TXLNA: variants seen among roughly 807,000 people sequenced by gnomAD.
TXLNA encodes alpha-taxilin.
A neutral mutation model predicts 61.4 loss-of-function variants in TXLNA; 9 were observed. The ratio of observed to expected loss-of-function variants is 0.15; its 90% CI spans 0.09 to 0.26. The LOEUF is 0.26. Ranked by LOEUF, TXLNA falls within the 10% of genes least tolerant of loss-of-function variation. TXLNA has a pLI of 1.00. For synonymous variants in TXLNA, 257 were observed against 267.7 expected (o/e 0.96, Z 0.39); for missense variants, 565 against 688.8 (o/e 0.82, Z 2.01).
At position 32,184,583 on chromosome 1, in the gene TXLNA, G is replaced by A; in HGVS notation, c.564G>A (p.Lys188=). ...TLNTLSTPEE[K]LAALCKKYAE... ...ATACTCTGAGTACCCCAGAGGAGAA[G>A]CTGGCTGCTCTGTGCAAGAAGTATG... is the stretch of plus-strand genomic sequence containing the variant. Residue 188 remains lysine (K), a synonymous_variant, in exon 4 of 11, where the codon AAG becomes AAA. Coordinates refer to ENST00000373610, the MANE Select transcript of TXLNA (RefSeq NM_175852.4). The A allele has an allele frequency of 6.2e-7, 1 of 1,613,848 alleles. No individual in the cohort carries two copies. Among genetic ancestry groups the A allele is most frequent in the Non-Finnish European group, 8.5e-7 (1 of 1,179,728 alleles).
At position 32,192,407 on chromosome 1, in the gene TXLNA, C is replaced by A. The variant is rs1266658524; in HGVS notation, c.1060C>A (p.Arg354=). 6.2e-7 allele frequency: 1 copy of A among 1,613,902 alleles called. No homozygotes were observed. The highest frequency in any genetic ancestry group is 8.5e-7 in the Non-Finnish European group (1 of 1,179,990). Residue 354 remains arginine, a synonymous_variant, in exon 7 of 11, where the codon CGG becomes AGG. Coordinates refer to ENST00000373610, the MANE Select transcript of TXLNA (RefSeq NM_175852.4). The surrounding 1 kb of genome is among the most constrained non-coding windows in gnomAD (Gnocchi z 4.2). ...GGAGATGCTAAAGGAGGCAGAAGAG[C>A]GGCACCAGCGGGAGAAGGATTTTGT... is the stretch of plus-strand genomic sequence containing the variant. ...AQEMLKEAEE[R]HQREKDFLLK...
chr1:32,193,242 A>G lies in TXLNA; in HGVS notation c.1193A>G (p.Gln398Arg). The change falls in exon 9 of 11, where the codon CAG becomes CGG. Residue 398 changes from glutamine to arginine, a missense_variant. Around this residue, in one of 2 missense-constraint regions of TXLNA, gnomAD observed 373 missense variants for 504.0 expected, o/e 0.74. Coordinates refer to ENST00000373610, the MANE Select transcript of TXLNA (RefSeq NM_175852.4). The part of the protein sequence containing the change: ...ALYTEKFEEF[Q>R]NTLSKSSEVF... ...TACACAGAGAAGTTTGAGGAGTTCC[A>G]GAACACACTTTCCAAAAGCAGCGAG... 2 of 1,613,914 alleles carry G rather than the reference A, an allele frequency of 1.2e-6. No homozygotes were observed. Among genetic ancestry groups the G allele is most frequent in the Admixed American group, 1.7e-5 (1 of 59,980 alleles).
At chr1:32,183,027 A>G (rs1057127469) in intron 3 of TXLNA, among the ~76,000 whole-genome samples, 5 of 150,904 alleles carry the variant, frequency 3.3e-5, no homozygotes, top group Admixed American at 6.6e-5. Flanking sequence ...AGATCATGCC[A>G]TTGCACTCCA....
At chr1:32,186,974 G>A (rs1421092259) in intron 4 of TXLNA, among the ~76,000 whole-genome samples, 2 of 152,196 alleles carry the variant, frequency 1.3e-5, no homozygotes, top group African/African-American at 4.8e-5. Context: ...GTGCAGTGGC[G>A]TGATGTCCTG....
rs1244939238 is a variant in TXLNA at position 32,192,406 on chromosome 1, G to T, written c.1059G>T (p.Glu353Asp). 6.2e-7 allele frequency: 1 copy of T among 1,614,168 alleles called. No homozygotes were observed. The highest frequency in any genetic ancestry group is 8.5e-7 in the Non-Finnish European group (1 of 1,180,020). Residue 353 changes from glutamate (E) to aspartate (D), a missense_variant, in exon 7 of 11, where the codon GAG becomes GAT. By Grantham distance (45) the Glu-to-Asp change is conservative (BLOSUM62 2). This residue lies in a region of TXLNA where 373 missense variants were observed against 504.0 expected (regional missense o/e 0.74). Transcript: ENST00000373610. The surrounding 1 kb of genome is among the most constrained non-coding windows in gnomAD (Gnocchi z 4.2). ...AGGAGATGCTAAAGGAGGCAGAAGA[G>T]CGGCACCAGCGGGAGAAGGATTTTG... is the stretch of plus-strand genomic sequence containing the variant. ...QAQEMLKEAE[E>D]RHQREKDFLL... is the part of the protein sequence containing the mutation.
intron 9 of TXLNA, 55 bp from the exon 10 acceptor site, chr1:32,194,010 C>G: frequency 2.7e-6 from 4 of 1,470,836 alleles, no homozygotes; most frequent in African/African-American, 1.4e-5. Context: ...CTTGGAGACA[C>G]AGACCTTGGA....
At chr1:32,189,229 G>GTTC (rs1173389600) in intron 5 of TXLNA, among the ~76,000 whole-genome samples, 1 of 152,102 alleles carries the variant, frequency 6.6e-6, no homozygotes, top group Non-Finnish European at 1.5e-5. Context: ...GAACTTATCT[G>GTTC]TAGGATAAGT....
chr1:32,180,730 G>A (rs1642637079), intron 2 of TXLNA, among the ~76,000 whole-genome samples: 1 of 152,260 alleles, frequency 6.6e-6, no homozygotes, highest in Non-Finnish European at 1.5e-5. Context: ...GCTCCGACGG[G>A]ATTAAGTCAG....
At position 32,195,977 on chromosome 1, in the gene TXLNA, C is replaced by CTTTTTTTTTTTTTTTT. The variant is rs112648110; in HGVS notation, c.*797_*798insTTTTTTTTTTTTTTTT. 1.9e-5 allele frequency: 3 copies of CTTTTTTTTTTTTTTTT among 154,414 alleles called. No homozygotes were observed. The highest frequency in any genetic ancestry group is 2.7e-5 in the Non-Finnish European group (2 of 73,060). 9.6% of individuals were successfully genotyped at this position (154,414 alleles called of 1,614,324 possible). A position where few individuals can be genotyped will look rare whatever the true frequency, so the allele number is the denominator to read the frequency against. On this transcript the variant is annotated 3_prime_UTR_variant, in exon 11 of 11. Transcript: ENST00000373610. ...GGTGTTTTTTTCTTTATTTCTTTTT[C>CTTTTTTTTTTTTTTTT]TTTTTTTTTTTTTTTCTTTTTCTTT...
rs1349138642 is a variant in TXLNA at position 32,197,585 on chromosome 1, A to T, written c.*2390A>T. 2.0e-5 allele frequency: 3 copies of T among 152,262 alleles called. No individual in the cohort carries two copies. The highest frequency in any genetic ancestry group is 2.0e-4 in the Admixed American group (3 of 15,288). 9.4% of individuals were successfully genotyped at this position (152,262 alleles called of 1,614,324 possible). A position where few individuals can be genotyped will look rare whatever the true frequency, so the allele number is the denominator to read the frequency against. On this transcript the variant is annotated 3_prime_UTR_variant, in exon 11 of 11. Coordinates refer to ENST00000373610, the MANE Select transcript of TXLNA (RefSeq NM_175852.4). This position sits in a 1 kb window ranked among gnomAD's most constrained non-coding sequence, Gnocchi z 4.6. ...TGGGCCAGATGCAGGGGAGGTGCCT[A>T]TCCATGAGTGAAGGCCAGTGTCTTC...
chr1:32,187,929 C>A, intron 4 of TXLNA, 25 bp from the exon 5 acceptor site: 1 of 1,608,146 alleles, frequency 6.2e-7, no homozygotes, highest in Non-Finnish European at 8.5e-7. Flanking sequence ...AGATGCTCAC[C>A]TGCCCTCCCT....
chr1:32,180,315 A>T lies in TXLNA; in HGVS notation c.-31A>T, dbSNP rs191462451. 4.7e-5 allele frequency: 74 copies of T among 1,574,598 alleles called. No individual in the cohort carries two copies. In the East Asian group the frequency reaches 1.6e-3, roughly 34 times the overall value. On this transcript the variant is annotated splice_region_variant and 5_prime_UTR_variant, in exon 2 of 11. Transcript: ENST00000373610. ...TAGCAACTGTGTTTGTTTCTAAAGGATCTTCTCCTGACCCAGCATCGCTCA... is the reference window on the plus strand; with the variant it reads ...TAGCAACTGTGTTTGTTTCTAAAGGTTCTTCTCCTGACCCAGCATCGCTCA...
chr1:32,181,712 C>T, intron 3 of TXLNA, 135 bp downstream of exon 3: 1 of 877,962 alleles, frequency 1.1e-6, no homozygotes, highest in East Asian at 2.7e-5. Context: ...CTAGTCTAAT[C>T]AAAGCCAGGG....
intron 2 of TXLNA, 150 bp from the exon 3 acceptor site, chr1:32,181,092 G>GAT: frequency 3.7e-6 from 2 of 547,378 alleles, no homozygotes; most frequent in Non-Finnish European, 6.1e-6. Flanking sequence ...TTTGCTGAAT[G>GAT]ATACTCCATT....
intron 6 of TXLNA, among the ~76,000 whole-genome samples, chr1:32,190,624 AC>A (rs1642885586): frequency 6.6e-6 from 1 of 152,140 alleles, no homozygotes; most frequent in African/African-American, 2.4e-5. Flanking sequence ...CCAAATACTC[AC>A]CTACATTATG....
At chr1:32,180,610 G>T in intron 2 of TXLNA, 96 bp downstream of exon 2, 1 of 1,438,584 alleles carries the variant, frequency 7.0e-7, no homozygotes. Flanking sequence ...TTGTCCGGGA[G>T]GAGGAGATGT....
At chr1:32,186,243 G>C (rs1446686298) in intron 4 of TXLNA, among the ~76,000 whole-genome samples, 2 of 152,288 alleles carry the variant, frequency 1.3e-5, no homozygotes, top group East Asian at 3.9e-4. Context: ...GGGAGCTGAG[G>C]CCTGCCCAAG....
intron 1 of TXLNA, 194 bp from the exon 2 acceptor site, chr1:32,180,120 C>A: frequency 2.0e-6 from 1 of 508,828 alleles, no homozygotes. Flanking sequence ...GCTGTGGGAG[C>A]TGCGCCCCGA....
chr1:32,181,533 G>A lies in TXLNA; in HGVS notation c.461G>A (p.Arg154Gln), dbSNP rs745575375. 1.9e-6 allele frequency: 3 copies of A among 1,580,136 alleles called. No homozygotes were observed. The highest frequency in any genetic ancestry group is 1.1e-5 in the South Asian group (1 of 87,402). ...EIRQSDEVGDRDHRRPQEKKK... is the reference protein window; with the variant it reads ...EIRQSDEVGDQDHRRPQEKKK... Reference sequence around the variant, plus strand: ...CGGCAGAGTGACGAGGTCGGAGACCGAGACCATCGAAGGCCACAGGAGAAG... The same window carrying A: ...CGGCAGAGTGACGAGGTCGGAGACCAAGACCATCGAAGGCCACAGGAGAAG... The change falls in exon 3 of 11, where the codon CGA (arginine) becomes CAA (glutamine). Residue 154 changes from arginine (R) to glutamine (Q), a missense_variant. Physicochemically the swap from Arg to Gln is conservative, Grantham distance 43. Around this residue, in one of 2 missense-constraint regions of TXLNA, gnomAD observed 373 missense variants for 504.0 expected, o/e 0.74. Coordinates refer to ENST00000373610, the MANE Select transcript of TXLNA (RefSeq NM_175852.4).
Sources: allele counts gnomAD v4.1 joint callset (sites outside exome capture counted in the v4.1 genomes callset), GRCh38; gene constraint gnomAD v4.1.1; regional missense constraint gnomAD v4.1.1; non-coding constraint Gnocchi (gnomAD v3.1); transcripts MANE v1.5; gene names NCBI Gene and HGNC (gene_info 2026-07-23, HGNC 2026-07-21).